Variants in HOXB3 observed in about 807,000 individuals in gnomAD.
The protein encoded by HOXB3 is homeobox B3, also known as homeobox protein Hox-B3.
HOXB3 carries 17 observed loss-of-function variants against 29.2 expected under a neutral mutation model. The observed-to-expected ratio is 0.58, with a 90% CI of 0.40 to 0.87. The LOEUF is 0.87. Among genes scored for constraint, HOXB3 ranks in the 40% least tolerant of loss-of-function variants. The pLI, the probability that HOXB3 is intolerant of heterozygous loss-of-function variation, is 0.00. For missense variants in HOXB3, 637 were observed against 616.3 expected, an observed-to-expected ratio of 1.03 and a Z score of -0.35; for synonymous variants, 317 against 285.9, an observed-to-expected ratio of 1.11 and a Z score of -1.10.
At chr17:48,551,724 G>C (rs1220701629) in intron 4 of HOXB3, among the ~76,000 whole-genome samples, 1 of 152,248 alleles carries the variant, frequency 6.6e-6, no homozygotes, top group Non-Finnish European at 1.5e-5. Flanking sequence ...ATAATCAATC[G>C]TTGACGACTC....
At chr17:48,576,624 G>A (rs1159450710) in intron 1 of HOXB3, 3 of 1,137,218 alleles carry the variant, frequency 2.6e-6, no homozygotes, top group Non-Finnish European at 3.6e-6. Context: ...ATTTTTCCGG[G>A]GCCCAGGCCC....
intron 1 of HOXB3, chr17:48,576,567 C>A (rs375711835): frequency 3.5e-6 from 2 of 572,066 alleles, no homozygotes; most frequent in Non-Finnish European, 2.8e-6. Flanking sequence ...TTCCCCTCCC[C>A]CTCTTCTGCG....
At chr17:48,573,560 A>G (rs2069656290) in intron 2 of HOXB3, among the ~76,000 whole-genome samples, 1 of 152,096 alleles carries the variant, frequency 6.6e-6, no homozygotes, top group Non-Finnish European at 1.5e-5. Context: ...CTGCCTCACA[A>G]AACAACCGTC....
intron 2 of HOXB3, among the ~76,000 whole-genome samples, chr17:48,558,817 A>G (rs546352976): frequency 3.4e-4 from 51 of 152,080 alleles, no homozygotes; most frequent in South Asian, 6.2e-4. Context: ...CATCCCTGAG[A>G]GTGAAGCCAT....
chr17:48,555,195 T>G (rs2068914564), intron 3 of HOXB3, among the ~76,000 whole-genome samples: 1 of 149,772 alleles, frequency 6.7e-6, no homozygotes, highest in African/African-American at 2.5e-5. Context: ...GAAAGAAAAA[T>G]AACAAGAAAG....
At chr17:48,585,549 C>T (rs2070031298) in intron 1 of HOXB3, among the ~76,000 whole-genome samples, 1 of 152,214 alleles carries the variant, frequency 6.6e-6, no homozygotes, top group African/African-American at 2.4e-5. Context: ...ACTCTACTGG[C>T]AGCTCCGGGA....
intron 2 of HOXB3, among the ~76,000 whole-genome samples, chr17:48,570,954 CAG>C (rs1270790347): frequency 6.6e-6 from 1 of 152,060 alleles, no homozygotes; most frequent in East Asian, 1.9e-4. Flanking sequence ...AGAGAGAGAG[CAG>C]AGAGAGGAGA....
At chr17:48,576,411 C>T in intron 1 of HOXB3, 1 of 266,052 alleles carries the variant, frequency 3.8e-6, no homozygotes, top group Non-Finnish European at 7.0e-6. Context: ...GCTGCAGCCT[C>T]CTCCTATTTC....
At chr17:48,559,074 T>C (rs1432352451) in intron 2 of HOXB3, among the ~76,000 whole-genome samples, 1 of 151,830 alleles carries the variant, frequency 6.6e-6, no homozygotes, top group Non-Finnish European at 1.5e-5. Context: ...ATGCCCTTCT[T>C]CACAGACATC....
intron 2 of HOXB3, among the ~76,000 whole-genome samples, chr17:48,562,304 A>G (rs2069225748): frequency 6.6e-6 from 1 of 151,766 alleles, no homozygotes; most frequent in Admixed American, 6.6e-5. Flanking sequence ...CCATACACCT[A>G]CCAGCCTTCC....
At chr17:48,571,352 G>A (rs975498139) in intron 2 of HOXB3, among the ~76,000 whole-genome samples, 3 of 152,214 alleles carry the variant, frequency 2.0e-5, no homozygotes, top group Non-Finnish European at 2.9e-5. Context: ...CGCTGGGGCC[G>A]CCTTCAAGGG....
rs944668377 is a variant in HOXB3 at position 48,554,639 on chromosome 17, C to A, written c.-159+892G>T. 17 of 701,492 alleles carry A rather than the reference C, an allele frequency of 2.4e-5. No homozygotes were observed. The African/African-American group carries it at 3.0e-4, about 12-fold the overall frequency. 43.5% of individuals were successfully genotyped at this position (701,492 alleles called of 1,614,324 possible). Reference sequence around the variant, plus strand: ...CAAGCTACCAGCCACCTACGATGGCCCAAGGAGGCGAAGAAGAGCAAGCGA... The same window carrying A: ...CAAGCTACCAGCCACCTACGATGGCACAAGGAGGCGAAGAAGAGCAAGCGA... On this transcript the variant is annotated intron_variant, in intron 3 of 4. Coordinates refer to ENST00000498678, the MANE Select transcript of HOXB3 (RefSeq NM_001384749.1). This position sits in a 1 kb window ranked among gnomAD's most constrained non-coding sequence, Gnocchi z 4.1.
chr17:48,565,849 A>C (rs2069371086), intron 2 of HOXB3, among the ~76,000 whole-genome samples: 1 of 149,366 alleles, frequency 6.7e-6, no homozygotes, highest in East Asian at 2.0e-4. Flanking sequence ...CTTTGTTTCC[A>C]CTCTCCCTGT....
chr17:48,550,522 G>C lies in HOXB3; in HGVS notation c.1108C>G (p.Leu370Val). 1 of 1,571,784 alleles carries C rather than the reference G, an allele frequency of 6.4e-7. No individual in the cohort carries two copies. The highest frequency in any genetic ancestry group is 8.6e-7 in the Non-Finnish European group (1 of 1,165,934). ...DPLPPPAGPS[L>V]YGLNHLSHHP... ...TGGGAAAGGTGGTTGAGGCCATAGA[G>C]GGAGGGGCCGGCAGGGGGCGGCAGC... Residue 370 changes from leucine (L) to valine (V), a missense_variant, in exon 5 of 5, where the codon CTC becomes GTC. By Grantham distance (32) the Leu-to-Val change is conservative. Transcript: ENST00000498678.
chr17:48,551,379 G>A, intron 4 of HOXB3, 198 bp from the exon 5 acceptor site: 1 of 477,218 alleles, frequency 2.1e-6, no homozygotes, highest in East Asian at 4.7e-5. Context: ...CTCTATAATA[G>A]TGGCATTTAT....
Position 48,554,821 on chromosome 17 carries a change from G to A in HOXB3, c.-159+710C>T, listed in dbSNP as rs1031324414. The A allele has an allele frequency of 1.4e-6, 1 of 702,342 alleles. No homozygotes were observed. The highest frequency in any genetic ancestry group is 2.6e-6 in the Non-Finnish European group (1 of 384,820). The allele number at this position is 702,342 out of a possible 1,614,324, so 43.5% of individuals were successfully genotyped here. On this transcript the variant is annotated intron_variant, in intron 3 of 4. Transcript: ENST00000498678. The surrounding 1 kb of genome is among the most constrained non-coding windows in gnomAD (Gnocchi z 4.1). ...TCGGGACTTTGCTCAGCAGGGCTCC[G>A]GGTTGGAGGGCGCCGAGGCCTGGCG... is the stretch of plus-strand genomic sequence containing the variant.
At chr17:48,578,087 G>A (rs1313984844) in intron 1 of HOXB3, 1 of 1,064,226 alleles carries the variant, frequency 9.4e-7, no homozygotes. Context: ...CGGGGGTGGT[G>A]GCGGAGGCGG....
chr17:48,555,704 T>A (rs1247901113), intron 2 of HOXB3, 86 bp from the exon 3 acceptor site: 2 of 564,568 alleles, frequency 3.5e-6, no homozygotes, highest in Non-Finnish European at 6.4e-6. Flanking sequence ...CCACCCCGGC[T>A]GGGGAGCCCG....
rs1199259542 is a variant in HOXB3 at position 48,573,987 on chromosome 17, C to T, written c.-397G>A. ...CGGGAGAGACGGCTAACACTTTTTT[C>T]CCCCAACAGCCGGTCCAAGGAGATT... On this transcript the variant is annotated 5_prime_UTR_variant, in exon 2 of 5. Transcript: ENST00000498678. The T allele has an allele frequency of 3.7e-5, 25 of 669,352 alleles. No homozygotes were observed. In the East Asian group the frequency reaches 6.2e-4, roughly 17 times the overall value. The allele number at this position is 669,352 out of a possible 1,614,324, so 41.5% of individuals were successfully genotyped here. A position where few individuals can be genotyped will look rare whatever the true frequency, so the allele number is the denominator to read the frequency against.
Sources: allele counts gnomAD v4.1 joint callset (sites outside exome capture counted in the v4.1 genomes callset), GRCh38; gene constraint gnomAD v4.1.1; non-coding constraint Gnocchi (gnomAD v3.1); transcripts MANE v1.5; gene names NCBI Gene and HGNC (gene_info 2026-07-23, HGNC 2026-07-21).